The following KDM5B variants were observed in gnomAD, a reference collection of about 807,000 sequenced individuals.
KDM5B encodes lysine-specific demethylase 5B.
KDM5B carries 144 observed loss-of-function variants against 193.4 expected under a neutral mutation model. The observed-to-expected ratio is 0.74, with a 90% CI of 0.65 to 0.86. The LOEUF (loss-of-function observed/expected upper bound fraction) is 0.86, where lower values mean the gene tolerates loss of function less well. Ranked by LOEUF, KDM5B falls within the 40% of genes least tolerant of loss-of-function variation. KDM5B has a pLI of 0.00. For missense variants in KDM5B, 1,833 were observed against 1,886.9 expected (o/e 0.97, Z 0.53); for synonymous variants, 668 against 682.6 (o/e 0.98, Z 0.33).
intron 25 of KDM5B, 65 bp downstream of exon 25, chr1:202,730,844 G>A: frequency 6.9e-7 from 1 of 1,458,492 alleles, no homozygotes; most frequent in South Asian, 1.4e-5. Flanking sequence ...ATGTTTCGAG[G>A]AGTAAAATAA....
Position 202,808,288 on chromosome 1 carries a change from T to C in KDM5B, c.18A>G (p.Thr6=), listed in dbSNP as rs1257606293. The C allele has an allele frequency of 5.0e-6, 8 of 1,601,828 alleles. No homozygotes were observed. Among genetic ancestry groups the C allele is most frequent in the East Asian group, 2.2e-5 (1 of 44,548 alleles). The change falls in exon 1 of 27, where the codon ACA becomes ACG. Residue 6 remains threonine (T), a synonymous_variant. Coordinates refer to ENST00000367265, the MANE Select transcript of KDM5B (RefSeq NM_006618.5). The part of the protein sequence containing the change: MEAAT[T]LHPGPRPALP... Reference sequence around the variant, plus strand: ...GCGCCGGGCGCGGGCCTGGGTGCAGTGTGGTGGCCGCCTCCATCACCGCAG... The same window carrying C: ...GCGCCGGGCGCGGGCCTGGGTGCAGCGTGGTGGCCGCCTCCATCACCGCAG...
At chr1:202,773,699 G>C (rs1217520887) in intron 3 of KDM5B, among the ~76,000 whole-genome samples, 1 of 151,220 alleles carries the variant, frequency 6.6e-6, no homozygotes, top group Non-Finnish European at 1.5e-5. Context: ...GTAAATTTCA[G>C]AATCAAATGG....
intron 1 of KDM5B, among the ~76,000 whole-genome samples, chr1:202,779,916 T>C (rs1159126457): frequency 4.6e-5 from 7 of 151,998 alleles, no homozygotes. Flanking sequence ...AATGTACGAT[T>C]ATTATGGTAT....
At chr1:202,790,526 C>T (rs1411792907) in intron 1 of KDM5B, among the ~76,000 whole-genome samples, 3 of 151,978 alleles carry the variant, frequency 2.0e-5, no homozygotes, top group Admixed American at 6.6e-5. Context: ...TCGAGACCAG[C>T]GTGGTCAACA....
At chr1:202,784,119 T>C (rs1657311234) in intron 1 of KDM5B, among the ~76,000 whole-genome samples, 1 of 152,166 alleles carries the variant, frequency 6.6e-6, no homozygotes, top group Non-Finnish European at 1.5e-5. Flanking sequence ...TGAAGATTTT[T>C]CCAAAAAATG....
chr1:202,758,302 G>T, intron 9 of KDM5B, 89 bp downstream of exon 9: 1 of 1,056,172 alleles, frequency 9.5e-7, no homozygotes, highest in Non-Finnish European at 1.4e-6. Flanking sequence ...GCCTACTAGA[G>T]TGAGGCCTCA....
intron 7 of KDM5B, 32 bp from the exon 8 acceptor site, chr1:202,760,605 G>C (rs1285784383): frequency 5.4e-6 from 8 of 1,487,666 alleles, no homozygotes; most frequent in Non-Finnish European, 7.2e-6. Flanking sequence ...CAGAACAAAG[G>C]AACATGAGCT....
chr1:202,770,160 G>A (rs1435990270), intron 4 of KDM5B, among the ~76,000 whole-genome samples: 6 of 152,048 alleles, frequency 3.9e-5, no homozygotes, highest in African/African-American at 7.2e-5. Flanking sequence ...AAATACACAC[G>A]ATATGGTTTT....
chr1:202,804,124 G>A (rs1267683666), intron 1 of KDM5B, among the ~76,000 whole-genome samples: 2 of 152,078 alleles, frequency 1.3e-5, no homozygotes, highest in African/African-American at 4.8e-5. Flanking sequence ...TGAGTTCAGG[G>A]TTTCTTTTGA....
intron 1 of KDM5B, among the ~76,000 whole-genome samples, chr1:202,803,590 G>A (rs1558523845): frequency 2.0e-5 from 3 of 151,912 alleles, no homozygotes; most frequent in South Asian, 4.1e-4. Context: ...TTGGGAGGCC[G>A]AGGTGGGTGG....
In KDM5B at chr1:202,742,732, G is replaced by A; in HGVS notation, c.2397C>T (p.His799=). 1 of 1,614,156 alleles carries A rather than the reference G, an allele frequency of 6.2e-7. No individual in the cohort carries two copies. Among genetic ancestry groups the A allele is most frequent in the South Asian group, 1.1e-5 (1 of 91,082 alleles). The change falls in exon 17 of 27, where the codon CAC becomes CAT. Residue 799 remains histidine (H), a synonymous_variant. Transcript: ENST00000367265. ...CTGCATCCTGTGTGACTAGGCGAAG[G>A]TGTCGCAAAAGATCATTGTCTGGGA... is the stretch of plus-strand genomic sequence containing the variant. ...KKFPDNDLLR[H]LRLVTQDAEK... is the part of the protein sequence containing the mutation.
At chr1:202,760,279 G>T in intron 8 of KDM5B, 136 bp downstream of exon 8, 1 of 600,558 alleles carries the variant, frequency 1.7e-6, no homozygotes. Context: ...TTGTGCCACT[G>T]CACTCCAGCC....
intron 6 of KDM5B, among the ~76,000 whole-genome samples, 181 bp downstream of exon 6, chr1:202,763,868 A>C (rs556507483): frequency 2.0e-5 from 3 of 152,258 alleles, no homozygotes; most frequent in Non-Finnish European, 4.4e-5. Context: ...TTATGAGAAC[A>C]AGGACACTGT....
At chr1:202,739,471 T>TTTTA (rs1170332673) in intron 20 of KDM5B, among the ~76,000 whole-genome samples, 2 of 152,002 alleles carry the variant, frequency 1.3e-5, no homozygotes, top group African/African-American at 2.4e-5. Flanking sequence ...TTATTTTTAT[T>TTTTA]TTTATTTATT....
In KDM5B at chr1:202,758,431, G is replaced by A. The variant is rs1656106213; in HGVS notation, c.1157C>T (p.Ala386Val). Residue 386 changes from alanine (A) to valine (V), a missense_variant, in exon 9 of 27, where the codon GCA (alanine) becomes GTA (valine). Physicochemically the swap from Ala to Val is moderately conservative, Grantham distance 64. Around this residue, in one of 3 missense-constraint regions of KDM5B, gnomAD observed 99 missense variants for 162.4 expected, o/e 0.61. Coordinates refer to ENST00000367265, the MANE Select transcript of KDM5B (RefSeq NM_006618.5). ...GAAGTAATCAGATTTGAACGCATCT[G>A]CCATTTCCCCAAAAGTACGGAGGGT... ...DYTLRTFGEM[A>V]DAFKSDYFNM... The A allele has an allele frequency of 6.2e-7, 1 of 1,613,142 alleles. No homozygotes were observed. Among genetic ancestry groups the A allele is most frequent in the African/African-American group, 1.3e-5 (1 of 74,886 alleles).
In KDM5B at chr1:202,774,627, A is replaced by G. The variant is rs755546865; in HGVS notation, c.391T>C (p.Phe131Leu). ...TAGCTCTTTACCTTATTAAGCTGAA[A>G]TAAGTCCAAGATCTTCCTCTCCACA... ...PHVERKILDL[F>L]QLNKLVAEEG... The change falls in exon 3 of 27, where the codon TTT becomes CTT. Residue 131 changes from phenylalanine to leucine, a missense_variant. This residue lies in a region of KDM5B where 355 missense variants were observed against 374.9 expected (regional missense o/e 0.95). Coordinates refer to ENST00000367265, the MANE Select transcript of KDM5B (RefSeq NM_006618.5). 2 of 1,612,080 alleles carry G rather than the reference A, an allele frequency of 1.2e-6. No individual in the cohort carries two copies. The highest frequency in any genetic ancestry group is 1.7e-6 in the Non-Finnish European group (2 of 1,178,242).
intron 1 of KDM5B, among the ~76,000 whole-genome samples, chr1:202,777,413 T>C (rs1039998772): frequency 3.3e-5 from 5 of 150,574 alleles, no homozygotes; most frequent in Middle Eastern, 3.5e-3. Flanking sequence ...TGTATTACCA[T>C]AGACATACCT....
rs1014652393 is a variant in KDM5B at position 202,742,736 on chromosome 1, C to T, written c.2393G>A (p.Arg798Gln). Residue 798 changes from arginine (R) to glutamine (Q), a missense_variant, in exon 17 of 27, where the codon CGA becomes CAA. Arg to Gln is a conservative substitution (Grantham distance 43). Coordinates refer to ENST00000367265, the MANE Select transcript of KDM5B (RefSeq NM_006618.5). Reference sequence around the variant, plus strand: ...ATCCTGTGTGACTAGGCGAAGGTGTCGCAAAAGATCATTGTCTGGGAATTT... The same window carrying T: ...ATCCTGTGTGACTAGGCGAAGGTGTTGCAAAAGATCATTGTCTGGGAATTT... The part of the protein sequence containing the change: ...MKKFPDNDLL[R>Q]HLRLVTQDAE... The T allele has an allele frequency of 8.1e-6, 13 of 1,613,992 alleles. No homozygotes were observed. The highest frequency in any genetic ancestry group is 6.7e-5 in the Admixed American group (4 of 59,998).
chr1:202,777,343 T>C (rs980676914), intron 1 of KDM5B, among the ~76,000 whole-genome samples: 61 of 108,780 alleles, frequency 5.6e-4, no homozygotes, highest in Admixed American at 7.3e-4. Flanking sequence ...GCAATGTCAT[T>C]GAGCCTGTAA....
Sources: gnomAD v4.1 joint callset for allele counts (sites outside exome capture counted in the v4.1 genomes callset) on GRCh38, gnomAD v4.1.1 for gene constraint, gnomAD v4.1.1 regional missense constraint, MANE v1.5 for transcripts, NCBI Gene and HGNC (gene_info 2026-07-23, HGNC 2026-07-21) for gene names.